The following FBXW12 variants were observed in gnomAD, a reference collection of about 807,000 sequenced individuals.
The protein encoded by FBXW12 is F-box/WD repeat-containing protein 12.
FBXW12 carries 43 observed loss-of-function variants against 55.3 expected under a neutral mutation model. That is an observed-to-expected ratio of 0.78 (90% CI 0.61 to 1.00). The LOEUF (loss-of-function observed/expected upper bound fraction) is 1.00, where lower values mean the gene tolerates loss of function less well. Among genes scored for constraint, FBXW12 ranks in the 50% least tolerant of loss-of-function variants. The pLI, the probability that FBXW12 is intolerant of heterozygous loss-of-function variation, is 0.00. For synonymous variants in FBXW12, 184 were observed against 203.8 expected, an observed-to-expected ratio of 0.90 and a Z score of 0.83; for missense variants, 524 against 560.5, an observed-to-expected ratio of 0.93 and a Z score of 0.66.
chr3:48,385,767 C>G (rs1560033609), intron 10 of FBXW12, among the ~76,000 whole-genome samples: 1 of 152,058 alleles, frequency 6.6e-6, no homozygotes, highest in African/African-American at 2.4e-5. Context: ...TTTTGCATTT[C>G]CCTGATAATT....
intron 10 of FBXW12, among the ~76,000 whole-genome samples, chr3:48,387,718 TTTAA>T (rs1245743984): frequency 6.6e-6 from 1 of 152,108 alleles, no homozygotes; most frequent in East Asian, 1.9e-4. Flanking sequence ...CAGACTATTT[TTTAA>T]TTAATTAATT....
At chr3:48,391,827 G>A (rs2036933591) in intron 10 of FBXW12, among the ~76,000 whole-genome samples, 1 of 152,114 alleles carries the variant, frequency 6.6e-6, no homozygotes, top group South Asian at 2.1e-4. Flanking sequence ...CTTGCTCCCA[G>A]GAATGAAGCC....
chr3:48,375,004 C>T (rs1453875676), intron 4 of FBXW12, among the ~76,000 whole-genome samples: 1 of 152,112 alleles, frequency 6.6e-6, no homozygotes, highest in East Asian at 1.9e-4. Flanking sequence ...CTCAAGTGAT[C>T]CACCTACCTC....
At chr3:48,389,598 G>A (rs1458645820) in intron 10 of FBXW12, among the ~76,000 whole-genome samples, 2 of 152,050 alleles carry the variant, frequency 1.3e-5, no homozygotes, top group Non-Finnish European at 2.9e-5. Flanking sequence ...CTGGTCTTGA[G>A]CTCCTGACCT....
chr3:48,372,501 A>G (rs2036616558), intron 1 of FBXW12, among the ~76,000 whole-genome samples, 181 bp downstream of exon 1: 1 of 152,240 alleles, frequency 6.6e-6, no homozygotes, highest in Admixed American at 6.5e-5. Context: ...CACAGCGCAC[A>G]GGTGTTGCTG....
At chr3:48,372,921 C>T (rs542446273) in intron 2 of FBXW12, 64 bp downstream of exon 2, 2 of 1,451,806 alleles carry the variant, frequency 1.4e-6, no homozygotes, top group East Asian at 2.3e-5. Context: ...GTTTGAGCAC[C>T]ACTTTGCAGA....
chr3:48,394,527 T>C (rs781357686), intron 10 of FBXW12, 33 bp from the exon 11 acceptor site: 1 of 1,250,164 alleles, frequency 8.0e-7, no homozygotes, highest in Admixed American at 1.9e-5. Flanking sequence ...CTTTCTCTTT[T>C]GTTCACTGAT....
At chr3:48,372,342 G>A (rs1575356658) in intron 1 of FBXW12, 22 bp downstream of exon 1, 1 of 1,552,044 alleles carries the variant, frequency 6.4e-7, no homozygotes, top group Non-Finnish European at 8.7e-7. Flanking sequence ...CACAGGGCAA[G>A]CAGACTCCAA....
chr3:48,387,629 C>A (rs2036866150), intron 10 of FBXW12, among the ~76,000 whole-genome samples: 1 of 152,122 alleles, frequency 6.6e-6, no homozygotes, highest in Admixed American at 6.5e-5. Flanking sequence ...CTCACTACAA[C>A]CTCTGCCTTC....
At chr3:48,391,321 C>CAT (rs762911189) in intron 10 of FBXW12, among the ~76,000 whole-genome samples, 2 of 30,792 alleles carry the variant, frequency 6.5e-5, no homozygotes, top group African/African-American at 9.8e-5. Flanking sequence ...TATCTATACA[C>CAT]ACACACACAC....
Position 48,373,562 on chromosome 3 carries a change from A to C in FBXW12, c.143A>C (p.Gln48Pro), listed in dbSNP as rs201559666. 1.2e-4 allele frequency: 191 copies of C among 1,613,938 alleles called. No individual in the cohort carries two copies. Among genetic ancestry groups the C allele is most frequent in the Non-Finnish European group, 1.6e-4 (186 of 1,179,942 alleles). Residue 48 changes from glutamine to proline, a missense_variant, in exon 4 of 11, where the codon CAG (glutamine) becomes CCG (proline). By Grantham distance (76) the Gln-to-Pro change is moderately conservative. Coordinates refer to ENST00000296438, the MANE Select transcript of FBXW12 (RefSeq NM_207102.2). ...TCTGTTTCCAGGTCACTATCTCTGC[A>C]GAGATGGGACTGCAGCAACTTCACC... ...SDYLWRSLSL[Q>P]RWDCSNFTNQ...
intron 7 of FBXW12, 41 bp downstream of exon 7, chr3:48,379,599 G>A (rs569653946): frequency 6.3e-7 from 1 of 1,585,118 alleles, no homozygotes; most frequent in Non-Finnish European, 8.7e-7. Context: ...GGATAGGAAT[G>A]TCAAGTTAGG....
At chr3:48,375,038 C>T (rs1234267630) in intron 4 of FBXW12, among the ~76,000 whole-genome samples, 2 of 152,162 alleles carry the variant, frequency 1.3e-5, no homozygotes, top group Non-Finnish European at 2.9e-5. Context: ...GCTGGGATTA[C>T]AGGCGTGAAC....
At chr3:48,373,984 G>A (rs1214683009) in intron 4 of FBXW12, among the ~76,000 whole-genome samples, 1 of 150,986 alleles carries the variant, frequency 6.6e-6, no homozygotes, top group African/African-American at 2.4e-5. Flanking sequence ...ATCCCTCCCA[G>A]AATAAAAATC....
At position 48,372,370 on chromosome 3, in the gene FBXW12, TTAAA is replaced by T. The variant is rs1398179278; in HGVS notation, c.-85+53_-85+56del. The T allele has an allele frequency of 1.2e-5, 19 of 1,540,414 alleles. 1 individual carries two copies. Among genetic ancestry groups the T allele is most frequent in the Non-Finnish European group, 1.1e-5 (13 of 1,136,652 alleles). ...GACTCCAATTCCAGGAGTTTGGAAC[TTAAA>T]TAGAGTCATAGAGACACTCAGATCT... On this transcript the variant is annotated intron_variant, in intron 1 of 10. Coordinates refer to ENST00000296438, the MANE Select transcript of FBXW12 (RefSeq NM_207102.2).
chr3:48,379,654 T>C, intron 7 of FBXW12, 96 bp downstream of exon 7: 1 of 969,956 alleles, frequency 1.0e-6, no homozygotes. Context: ...CCAGGCACAC[T>C]GCTCCTTCCT....
intron 7 of FBXW12, chr3:48,380,104 C>G (rs867038706): frequency 6.6e-6 from 1 of 152,084 alleles, no homozygotes; most frequent in Non-Finnish European, 1.5e-5. Flanking sequence ...TGCACTCCAG[C>G]CTGGGCAACA....
chr3:48,391,355 C>CATATAT (rs1553794181), intron 10 of FBXW12, among the ~76,000 whole-genome samples: 8 of 141,532 alleles, frequency 5.7e-5, no homozygotes, highest in African/African-American at 2.1e-4. Flanking sequence ...CACACACACA[C>CATATAT]ATATATATAT....
chr3:48,372,419 G>T, intron 1 of FBXW12, 99 bp downstream of exon 1: 1 of 1,410,544 alleles, frequency 7.1e-7, no homozygotes, highest in Non-Finnish European at 9.8e-7. Flanking sequence ...GAGTGCACTC[G>T]GTGACATTTC....
Sources: gnomAD v4.1 joint callset for allele counts (sites outside exome capture counted in the v4.1 genomes callset) on GRCh38, gnomAD v4.1.1 for gene constraint, MANE v1.5 for transcripts, NCBI Gene and HGNC (gene_info 2026-07-23, HGNC 2026-07-21) for gene names.